The following FRMPD4 variants were observed in gnomAD, a reference collection of about 807,000 sequenced individuals.
FRMPD4 encodes FERM and PDZ domain-containing protein 4.
FRMPD4 carries 22 observed loss-of-function variants against 94.1 expected under a neutral mutation model. The observed-to-expected ratio is 0.23, with a 90% CI of 0.17 to 0.33. FRMPD4 has a LOEUF of 0.33. Ranked by LOEUF, FRMPD4 falls within the 10% of genes least tolerant of loss-of-function variation. The probability of loss-of-function intolerance (pLI) is 1.00; values close to 1 mark genes in which losing one functional copy is unlikely to be tolerated. For missense variants in FRMPD4, 1,111 were observed against 1,339.9 expected, an observed-to-expected ratio of 0.83 and a Z score of 2.67; for synonymous variants, 631 against 548.6, an observed-to-expected ratio of 1.15 and a Z score of -2.10.
chrX:12,054,650 T>A lies in FRMPD4; in HGVS notation c.95+176632T>A, dbSNP rs780060365. Among the ~76,000 whole-genome samples, 7 of 112,012 alleles carry A rather than the reference T, an allele frequency of 6.2e-5. No homozygotes were observed. The East Asian group carries it at 1.7e-3, about 27-fold the overall frequency. ...CTTTGTCTGGTCACTCCTTTCATTT[T>A]GGCCAAAAACTGGTCAGGAAATATT... On this transcript the variant is annotated intron_variant, in intron 3 of 18. Transcript: ENST00000640291.
At chrX:12,635,152 C>A (rs776250614) in intron 4 of FRMPD4, among the ~76,000 whole-genome samples, 2 of 111,932 alleles carry the variant, frequency 1.8e-5, no homozygotes, top group African/African-American at 6.5e-5. Context: ...TCTCCTTGGG[C>A]TCTCAGATAT....
At chrX:12,690,131 T>C (rs1340263148) in intron 7 of FRMPD4, 64 bp from the exon 8 acceptor site, 4 of 965,912 alleles carry the variant, frequency 4.1e-6, no homozygotes, top group Non-Finnish European at 4.3e-6. Flanking sequence ...TTTTCAGTCA[T>C]GGTAGACTCC....
At chrX:12,019,884 T>G (rs1284640502) in intron 3 of FRMPD4, among the ~76,000 whole-genome samples, 1 of 112,148 alleles carries the variant, frequency 8.9e-6, no homozygotes, top group African/African-American at 3.2e-5. Flanking sequence ...TCACTATGTG[T>G]CAGGAATGTT....
rs3066486 is a variant in FRMPD4 at position 12,553,434 on chromosome X, CTATATATATATA to C, written c.158+54660_158+54671del. Among the ~76,000 whole-genome samples the C allele has an allele frequency of 2.1e-3, 84 of 39,654 alleles. 2 individuals are homozygous for C. The South Asian group carries it at 0.053, about 25-fold the overall frequency. The allele number at this position is 39,654 out of a possible 115,157, so 34.4% of individuals were successfully genotyped here. ...AGTTTTGTGAGATCTATCCATATGC[CTATATATATATA>C]TATATATATATATATATATATCTAA... is the stretch of plus-strand genomic sequence containing the variant. On this transcript the variant is annotated intron_variant, in intron 2 of 16. Coordinates refer to ENST00000675598, the MANE Select transcript of FRMPD4 (RefSeq NM_001368397.1).
At chrX:12,577,074 C>A (rs945684369) in intron 2 of FRMPD4, among the ~76,000 whole-genome samples, 4 of 112,036 alleles carry the variant, frequency 3.6e-5, no homozygotes, top group Non-Finnish European at 7.5e-5. Context: ...CCCACAGTAG[C>A]AAAAGCCTCA....
At chrX:11,969,626 G>A (rs923548272) in intron 3 of FRMPD4, among the ~76,000 whole-genome samples, 2 of 111,952 alleles carry the variant, frequency 1.8e-5, no homozygotes, top group Admixed American at 1.9e-4. Flanking sequence ...AGTGTTAGGC[G>A]CCTAAGGCTG....
intron 3 of FRMPD4, among the ~76,000 whole-genome samples, chrX:11,948,223 C>G (rs2054200946): frequency 9.0e-6 from 1 of 111,119 alleles, no homozygotes; most frequent in East Asian, 2.8e-4. Context: ...TTGTGTGCCT[C>G]CCTCCCCTAA....
chrX:12,304,209 G>T (rs1195086670), intron 1 of FRMPD4, among the ~76,000 whole-genome samples: 1 of 111,601 alleles, frequency 9.0e-6, no homozygotes, highest in Non-Finnish European at 1.9e-5. Context: ...GTCCCAAGTG[G>T]CTATTTCTGA....
intron 3 of FRMPD4, among the ~76,000 whole-genome samples, chrX:11,911,110 C>G (rs1249491625): frequency 8.9e-6 from 1 of 112,327 alleles, no homozygotes; most frequent in Admixed American, 9.4e-5. Flanking sequence ...CTACTCAACT[C>G]TGCTGTTATA....
At chrX:12,640,916 G>A (rs756825190) in intron 4 of FRMPD4, among the ~76,000 whole-genome samples, 65 of 111,511 alleles carry the variant, frequency 5.8e-4, no homozygotes, top group African/African-American at 2.0e-3. Flanking sequence ...GCATGGTGGC[G>A]TGCACCTGTA....
chrX:11,922,137 G>C (rs2054060567), intron 3 of FRMPD4, among the ~76,000 whole-genome samples: 1 of 108,397 alleles, frequency 9.2e-6, no homozygotes, highest in South Asian at 3.9e-4. Context: ...AAACATCTGA[G>C]ACTGGGTAAG....
At chrX:12,141,637 A>G (rs1945471498) in intron 1 of FRMPD4, among the ~76,000 whole-genome samples, 1 of 110,586 alleles carries the variant, frequency 9.0e-6, no homozygotes, top group Admixed American at 9.7e-5. Flanking sequence ...GGCACCCTTT[A>G]CATCATCAGT....
chrX:11,987,363 T>C (rs1341866737), intron 3 of FRMPD4, among the ~76,000 whole-genome samples: 8 of 110,567 alleles, frequency 7.2e-5, no homozygotes, highest in Non-Finnish European at 1.5e-4. Flanking sequence ...CTGGAGAAAA[T>C]TCAACATTGC....
intron 2 of FRMPD4, among the ~76,000 whole-genome samples, chrX:12,563,813 C>G (rs1219196087): frequency 8.9e-6 from 1 of 112,344 alleles, no homozygotes; most frequent in African/African-American, 3.2e-5. Context: ...TTGAGAAACA[C>G]TGCTCTAAAT....
chrX:11,892,672 T>C (rs1047258672), intron 3 of FRMPD4, among the ~76,000 whole-genome samples: 4 of 112,497 alleles, frequency 3.6e-5, no homozygotes, highest in Non-Finnish European at 7.5e-5. Context: ...GGGCAAAGAA[T>C]GAAAGAAGTC....
intron 1 of FRMPD4, among the ~76,000 whole-genome samples, chrX:11,834,429 G>A (rs1391691591): frequency 8.9e-6 from 1 of 111,821 alleles, no homozygotes; most frequent in Non-Finnish European, 1.9e-5. Flanking sequence ...CCCCTCACGT[G>A]ACAATTACCA....
intron 3 of FRMPD4, among the ~76,000 whole-genome samples, chrX:11,887,910 A>G (rs1398784429): frequency 2.7e-5 from 3 of 112,278 alleles, no homozygotes; most frequent in African/African-American, 9.7e-5. Context: ...AGATAAATGG[A>G]GTTTTGAGAA....
At chrX:12,347,861 A>G (rs150861639) in intron 1 of FRMPD4, among the ~76,000 whole-genome samples, 3,782 of 111,485 alleles carry the variant, frequency 0.034, 70 homozygotes, top group Non-Finnish European at 0.053. Flanking sequence ...GTTGTGTTGT[A>G]TTATTATATA....
At chrX:12,588,866 CT>C (rs754694827) in intron 2 of FRMPD4, among the ~76,000 whole-genome samples, 2 of 111,998 alleles carry the variant, frequency 1.8e-5, no homozygotes, top group African/African-American at 3.2e-5. Context: ...ACATTTTTTT[CT>C]TTTTTTCCAG....
Sources: gnomAD v4.1 joint callset for allele counts (sites outside exome capture counted in the v4.1 genomes callset) on GRCh38, gnomAD v4.1.1 for gene constraint, MANE v1.5 for transcripts, NCBI Gene and HGNC (gene_info 2026-07-23, HGNC 2026-07-21) for gene names.